Variants in DIO2 observed in about 807,000 individuals in gnomAD.
The protein encoded by DIO2 is iodothyronine deiodinase 2.
Under a neutral mutation model 21.4 loss-of-function variants are expected in DIO2, and 19 were observed. The observed-to-expected ratio is 0.89, with a 90% CI of 0.62 to 1.30. The LOEUF is 1.30. Ranked by LOEUF, DIO2 falls within the 50% of genes most tolerant of loss-of-function variation. The probability of loss-of-function intolerance (pLI) is 0.00; values close to 1 mark genes in which losing one functional copy is unlikely to be tolerated. For synonymous variants in DIO2, 122 were observed against 132.9 expected, an observed-to-expected ratio of 0.92 and a Z score of 0.57; for missense variants, 302 against 338.1, an observed-to-expected ratio of 0.89 and a Z score of 0.84.
At chr14:80,205,807 G>C (rs1887931733) in intron 1 of DIO2, 2 of 933,216 alleles carry the variant, frequency 2.1e-6, no homozygotes, top group Admixed American at 3.9e-5. Flanking sequence ...CATTTTGTTA[G>C]GATTAGGGTT....
At chr14:80,218,886 G>A (rs575938007) in intron 2 of DIO2, among the ~76,000 whole-genome samples, 87 of 152,274 alleles carry the variant, frequency 5.7e-4, no homozygotes, top group African/African-American at 2.0e-3. Context: ...GCTGAGGCAC[G>A]AGAATCGCTT....
At chr14:80,212,054 T>C (rs1380307233), upstream of DIO2, 1 of 151,198 alleles carries the variant, frequency 6.6e-6, no homozygotes, top group Non-Finnish European at 1.5e-5. Context: ...ACACACACTT[T>C]CTGTGCTTCT....
chr14:80,206,286 A>G, intron 1 of DIO2: 1 of 1,580,602 alleles, frequency 6.3e-7, no homozygotes, highest in Non-Finnish European at 8.6e-7. Flanking sequence ...AGCTTCATAT[A>G]CTAGTCATAA....
In DIO2 at chr14:80,202,826, G is replaced by C. The variant is rs1237103338; in HGVS notation, c.685C>G (p.Arg229Gly). Residue 229 changes from arginine (R) to glycine (G), a missense_variant, in exon 2 of 2, where the codon CGT becomes GGT. Arg to Gly is a moderately radical substitution (Grantham distance 125). Transcript: ENST00000438257. ...TTCTGTCTCTGCACAATGCACACAC[G>C]TTCAAAGGCTACCCCGTAAGCTATG... ...ANIAYGVAFE[R>G]VCIVQRQKIA... 6.2e-7 allele frequency: 1 copy of C among 1,613,762 alleles called. No homozygotes were observed. The highest frequency in any genetic ancestry group is 1.3e-5 in the African/African-American group (1 of 74,870).
At chr14:80,204,459 G>A (rs2139998891) in intron 1 of DIO2, among the ~76,000 whole-genome samples, 1 of 152,196 alleles carries the variant, frequency 6.6e-6, no homozygotes, top group South Asian at 2.1e-4. Context: ...ACAGAATGAA[G>A]GAAAGTTTGC....
intron 1 of DIO2, chr14:80,206,285 T>C (rs781293606): frequency 2.9e-5 from 46 of 1,581,028 alleles, no homozygotes; most frequent in South Asian, 6.0e-5. Flanking sequence ...AAGCTTCATA[T>C]ACTAGTCATA....
chr14:80,223,899 T>G (rs1286154765), intron 2 of DIO2, among the ~76,000 whole-genome samples: 1 of 152,196 alleles, frequency 6.6e-6, no homozygotes, highest in African/African-American at 2.4e-5. Flanking sequence ...GTGACCAACC[T>G]TGATTAAATG....
chr14:80,221,068 G>A (rs1036323137), intron 2 of DIO2, among the ~76,000 whole-genome samples: 13 of 152,112 alleles, frequency 8.5e-5, no homozygotes, highest in African/African-American at 3.1e-4. Flanking sequence ...AAAGTAGAAT[G>A]ATGTGTATAA....
intron 2 of DIO2, among the ~76,000 whole-genome samples, chr14:80,222,748 T>C (rs997113600): frequency 2.0e-5 from 3 of 152,220 alleles, no homozygotes; most frequent in African/African-American, 7.2e-5. Flanking sequence ...GTTTAATTAT[T>C]TGCTAATTTT....
In DIO2 at chr14:80,202,870, C is replaced by G. The variant is rs768743801; in HGVS notation, c.641G>C (p.Arg214Pro). The change falls in exon 2 of 2, where the codon CGC (arginine) becomes CCC (proline). Residue 214 changes from arginine (R) to proline (P), a missense_variant. Transcript: ENST00000438257. ...LPPQCRVVAD[R>P]MDNNANIAYG... ...AGCTATGTTGGCGTTATTGTCCATG[C>G]GGTCAGCCACAACTCGGCACTGGGG... The G allele has an allele frequency of 6.2e-7, 1 of 1,613,808 alleles. No individual in the cohort carries two copies. Among genetic ancestry groups the G allele is most frequent in the Non-Finnish European group, 8.5e-7 (1 of 1,179,880 alleles).
At chr14:80,210,808 T>C (rs1421026877) in intron 1 of DIO2, among the ~76,000 whole-genome samples, 3 of 152,230 alleles carry the variant, frequency 2.0e-5, no homozygotes, top group African/African-American at 7.2e-5. Flanking sequence ...GTAGCATTTC[T>C]CATTTCTTGC....
intron 2 of DIO2, among the ~76,000 whole-genome samples, chr14:80,219,927 C>A (rs1318987003): frequency 6.6e-6 from 1 of 152,140 alleles, no homozygotes; most frequent in Non-Finnish European, 1.5e-5. Context: ...ATGAGAGGAA[C>A]TTACGTGGTA....
At chr14:80,214,881 C>G (rs1381357375), upstream of DIO2, among the ~76,000 whole-genome samples, 6 of 152,092 alleles carry the variant, frequency 3.9e-5, no homozygotes, top group African/African-American at 1.4e-4. Flanking sequence ...GGGATATTTT[C>G]CCTAACTCTA....
At chr14:80,218,575 C>T (rs1179171756) in intron 2 of DIO2, among the ~76,000 whole-genome samples, 1 of 152,162 alleles carries the variant, frequency 6.6e-6, no homozygotes, top group Non-Finnish European at 1.5e-5. Flanking sequence ...AACAAATGCT[C>T]TCTAAGTTTC....
chr14:80,204,772 C>T (rs547550228), intron 1 of DIO2, among the ~76,000 whole-genome samples: 2 of 152,280 alleles, frequency 1.3e-5, no homozygotes, highest in South Asian at 4.1e-4. Context: ...ATAACCCACT[C>T]AAGGGCTTTT....
intron 2 of DIO2, among the ~76,000 whole-genome samples, chr14:80,222,924 A>G (rs1888494783): frequency 6.7e-6 from 1 of 149,962 alleles, no homozygotes; most frequent in Non-Finnish European, 1.5e-5. Context: ...GTGCAGTGGC[A>G]CAATCATAGC....
chr14:80,203,685 C>T (rs1887838215), intron 1 of DIO2, among the ~76,000 whole-genome samples: 1 of 152,220 alleles, frequency 6.6e-6, no homozygotes, highest in Admixed American at 6.5e-5. Context: ...AAATGGTCTA[C>T]TTTAAGACAA....
chr14:80,229,206 T>C (rs225008), intron 2 of DIO2, among the ~76,000 whole-genome samples: 131,487 of 151,882 alleles, frequency 0.87, 57,244 homozygotes, highest in African/African-American at 0.95. Flanking sequence ...AGGCTTCCTA[T>C]CAATTTCACT....
rs1312533473 is a variant in DIO2 at position 80,202,562 on chromosome 14, T to C, written c.*127A>G. 1 of 1,007,018 alleles carries C rather than the reference T, an allele frequency of 9.9e-7. No individual in the cohort carries two copies. The highest frequency in any genetic ancestry group is 1.6e-5 in the African/African-American group (1 of 61,494). 62.4% of individuals were successfully genotyped at this position (1,007,018 alleles called of 1,614,324 possible). On this transcript the variant is annotated 3_prime_UTR_variant, in exon 2 of 2. Transcript: ENST00000438257. The stretch of plus-strand genomic sequence containing the variant: ...GTATGGAGCTGTTAGAGATTCATGT[T>C]CTTCCGATAGATAAACTCCTGTCTT...
Sources: allele counts gnomAD v4.1 joint callset (sites outside exome capture counted in the v4.1 genomes callset), GRCh38; gene constraint gnomAD v4.1.1; transcripts MANE v1.5; gene names NCBI Gene and HGNC (gene_info 2026-07-23, HGNC 2026-07-21).